The following SRPK2 variants were observed in gnomAD, a reference collection of about 807,000 sequenced individuals.
SRPK2 encodes the protein SFRS protein kinase 2.
SRPK2 carries 21 observed loss-of-function variants against 90.8 expected under a neutral mutation model. The observed-to-expected ratio is 0.23, with a 90% confidence interval of 0.16 to 0.33. SRPK2 has a LOEUF of 0.33. Ranked by LOEUF, SRPK2 falls within the 10% of genes least tolerant of loss-of-function variation. SRPK2 has a pLI of 1.00. For synonymous variants in SRPK2, 288 were observed against 311.1 expected (o/e 0.93, Z 0.78); for missense variants, 620 against 869.0 (o/e 0.71, Z 3.60).
intron 2 of SRPK2, among the ~76,000 whole-genome samples, chr7:105,361,769 T>C (rs964229013): frequency 2.6e-5 from 4 of 152,242 alleles, no homozygotes; most frequent in Admixed American, 1.3e-4. Context: ...ACTGGCTAGC[T>C]ATATGTAGAA....
At chr7:105,241,891 T>G (rs1800860931) in intron 2 of SRPK2, among the ~76,000 whole-genome samples, 1 of 152,012 alleles carries the variant, frequency 6.6e-6, no homozygotes, top group Admixed American at 6.5e-5. Context: ...TAGATGACCA[T>G]AAACGATGAA....
intron 2 of SRPK2, chr7:105,301,610 C>G (rs182182415): frequency 1.7e-5 from 27 of 1,607,768 alleles, no homozygotes; most frequent in Middle Eastern, 2.3e-4. Context: ...AGTTCAGTTT[C>G]TTTTCAATAT....
At chr7:105,176,619 G>GTA (rs1184357367) in intron 3 of SRPK2, among the ~76,000 whole-genome samples, 7 of 9,530 alleles carry the variant, frequency 7.3e-4, no homozygotes, top group East Asian at 4.4e-3. Flanking sequence ...GTATACGTGT[G>GTA]TGTATATATA....
Position 105,141,242 on chromosome 7 carries a change from C to T in SRPK2, c.1543+766G>A, listed in dbSNP as rs182299150. Among the ~76,000 whole-genome samples the T allele has an allele frequency of 2.6e-4, 40 of 152,254 alleles. No individual in the cohort carries two copies. In the East Asian group the frequency reaches 6.4e-3, roughly 24 times the overall value. ...TGGAACCAAAGGGGCTGCAGAATGT[C>T]GGGCTGTTTGCAGGGCTGGCTCATC... is the stretch of plus-strand genomic sequence containing the variant. On this transcript the variant is annotated intron_variant, in intron 11 of 15. Transcript: ENST00000393651.
At chr7:105,158,788 T>C (rs13245298) in intron 7 of SRPK2, among the ~76,000 whole-genome samples, 107,405 of 150,790 alleles carry the variant, frequency 0.71, 41,352 homozygotes, top group Non-Finnish European at 0.87. Context: ...AACAATATGG[T>C]TTTATTTTTT....
At chr7:105,301,446 TGGGCCGC>T in intron 2 of SRPK2, 1 of 823,880 alleles carries the variant, frequency 1.2e-6, no homozygotes. Flanking sequence ...GCCGGGCCTC[TGGGCCGC>T]TGCCCTCGCT....
intron 7 of SRPK2, among the ~76,000 whole-genome samples, chr7:105,158,331 T>C (rs1806846054): frequency 6.6e-6 from 1 of 151,942 alleles, no homozygotes; most frequent in African/African-American, 2.4e-5. Flanking sequence ...CTCAGCTCAC[T>C]GCAACCTCCA....
At chr7:105,132,500 CACA>C (rs1364670742) in intron 13 of SRPK2, among the ~76,000 whole-genome samples, 4 of 152,210 alleles carry the variant, frequency 2.6e-5, no homozygotes, top group Non-Finnish European at 4.4e-5. Context: ...GTCACTGTGT[CACA>C]ACAACTGAGT....
At chr7:105,268,200 ATT>A (rs1057380791) in intron 2 of SRPK2, among the ~76,000 whole-genome samples, 1 of 152,180 alleles carries the variant, frequency 6.6e-6, no homozygotes, top group African/African-American at 2.4e-5. Flanking sequence ...CTTCTGAGTC[ATT>A]TTGTCCTTAC....
At chr7:105,343,864 G>C (rs1399329769) in intron 2 of SRPK2, among the ~76,000 whole-genome samples, 5 of 152,116 alleles carry the variant, frequency 3.3e-5, no homozygotes, top group Non-Finnish European at 7.3e-5. Flanking sequence ...CTGGGTTCAA[G>C]CGATTCTCCT....
chr7:105,192,231 C>T (rs1794387621), intron 3 of SRPK2, among the ~76,000 whole-genome samples: 1 of 152,032 alleles, frequency 6.6e-6, no homozygotes, highest in African/African-American at 2.4e-5. Context: ...CCCCTGAGTC[C>T]CCAAAGTCTA....
intron 2 of SRPK2, among the ~76,000 whole-genome samples, chr7:105,386,299 G>A (rs1255642299): frequency 2.6e-5 from 3 of 113,452 alleles, no homozygotes; most frequent in Admixed American, 1.1e-4. Context: ...GGGCAACAGA[G>A]CAAGACTCGG....
intron 2 of SRPK2, among the ~76,000 whole-genome samples, chr7:105,282,980 AG>A (rs1180022171): frequency 5.9e-5 from 9 of 152,192 alleles, no homozygotes; most frequent in Non-Finnish European, 1.3e-4. Context: ...AAAGTGGGCA[AG>A]GGATTTAAAT....
At chr7:105,287,275 AAAAAAAAAAG>A (rs1221577059) in intron 2 of SRPK2, among the ~76,000 whole-genome samples, 9 of 137,140 alleles carry the variant, frequency 6.6e-5, no homozygotes, top group East Asian at 2.1e-4. Context: ...AAAAAAAAAA[AAAAAAAAAAG>A]AAGAAAAGGA....
intron 2 of SRPK2, among the ~76,000 whole-genome samples, chr7:105,230,347 C>T (rs971433446): frequency 1.3e-5 from 2 of 152,110 alleles, no homozygotes; most frequent in African/African-American, 2.4e-5. Context: ...GCAGGGCATA[C>T]GTCCAATATA....
chr7:105,209,471 G>A (rs562621801), intron 2 of SRPK2, among the ~76,000 whole-genome samples: 6 of 152,174 alleles, frequency 3.9e-5, no homozygotes, highest in Admixed American at 6.6e-5. Context: ...TTGAGCATGC[G>A]AGTCTGCAAT....
chr7:105,141,911 G>T (rs1004931996), intron 11 of SRPK2, 97 bp downstream of exon 11: 171 of 1,393,494 alleles, frequency 1.2e-4, no homozygotes, highest in Admixed American at 6.7e-5. Context: ...CACACACACA[G>T]GGCTTGGCCA....
intron 7 of SRPK2, among the ~76,000 whole-genome samples, chr7:105,151,441 T>G (rs185138419): frequency 1.5e-3 from 230 of 152,310 alleles, no homozygotes; most frequent in Non-Finnish European, 2.8e-3. Context: ...AAAAACAAAG[T>G]CTAGCACACA....
intron 2 of SRPK2, among the ~76,000 whole-genome samples, chr7:105,295,688 TG>T (rs199692659): frequency 2.7e-4 from 41 of 152,258 alleles, no homozygotes; most frequent in African/African-American, 8.9e-4. Flanking sequence ...CTAAAAACAG[TG>T]GTCACGGTTA....
Sources: gnomAD v4.1 joint callset for allele counts (sites outside exome capture counted in the v4.1 genomes callset) on GRCh38, gnomAD v4.1.1 for gene constraint, MANE v1.5 for transcripts, NCBI Gene and HGNC (gene_info 2026-07-23, HGNC 2026-07-21) for gene names.